The following UNC13B variants were observed in gnomAD, a reference collection of about 807,000 sequenced individuals.
UNC13B encodes protein unc-13 homolog B.
In UNC13B, 144 loss-of-function variants were observed where a neutral mutation model predicts 211.0. That is an observed-to-expected ratio of 0.68 (90% CI 0.60 to 0.78). The LOEUF (loss-of-function observed/expected upper bound fraction) is 0.78, where lower values mean the gene tolerates loss of function less well. Ranked by LOEUF, UNC13B falls within the 30% of genes least tolerant of loss-of-function variation. The pLI is 0.00. For missense variants in UNC13B, 1,777 were observed against 2,002.0 expected (o/e 0.89, Z 2.14); for synonymous variants, 709 against 725.8 (o/e 0.98, Z 0.37).
intron 11 of UNC13B, among the ~76,000 whole-genome samples, chr9:35,324,325 C>T (rs1830894034): frequency 1.3e-5 from 2 of 152,126 alleles, no homozygotes; most frequent in East Asian, 1.9e-4. Flanking sequence ...TTCAACAGAG[C>T]ACAAAGCCAA....
chr9:35,227,998 T>G lies in UNC13B; in HGVS notation c.23-17T>G, dbSNP rs752596968. On this transcript the variant is annotated splice_polypyrimidine_tract_variant and intron_variant, in intron 1 of 39. Coordinates refer to ENST00000635942, the MANE Select transcript of UNC13B (RefSeq NM_001371189.2). ...CTTGGAAACATTCTTCATGGTATCC[T>G]CTTTTTTCTCTTGCAGTTAAAAGGG... The G allele has an allele frequency of 6.2e-7, 1 of 1,610,732 alleles. No individual in the cohort carries two copies. Among genetic ancestry groups the G allele is most frequent in the Admixed American group, 1.7e-5 (1 of 59,484 alleles).
At chr9:35,313,866 T>C in intron 10 of UNC13B, 33 bp from the exon 11 acceptor site, 1 of 1,575,072 alleles carries the variant, frequency 6.3e-7, no homozygotes, top group South Asian at 1.1e-5. Context: ...GCCTTGGCTA[T>C]TTTTAAGAAA....
At chr9:35,318,638 T>C (rs1364762943) in intron 11 of UNC13B, among the ~76,000 whole-genome samples, 1 of 152,224 alleles carries the variant, frequency 6.6e-6, no homozygotes, top group Non-Finnish European at 1.5e-5. Flanking sequence ...CTGCGTAATA[T>C]TCCATTGAAT....
At chr9:35,398,513 A>G in intron 31 of UNC13B, 41 bp from the exon 32 acceptor site, 4 of 1,597,778 alleles carry the variant, frequency 2.5e-6, no homozygotes, top group Non-Finnish European at 3.4e-6. Flanking sequence ...AGAAGAGGGT[A>G]AGAAAAGCAG....
intron 2 of UNC13B, among the ~76,000 whole-genome samples, chr9:35,229,134 G>T (rs189370096): frequency 7.9e-5 from 12 of 152,116 alleles, no homozygotes; most frequent in Admixed American, 7.2e-4. Context: ...ATTAAAAATG[G>T]TATTTCCTTA....
intron 11 of UNC13B, among the ~76,000 whole-genome samples, chr9:35,347,282 G>T (rs1832417537): frequency 6.6e-6 from 1 of 152,148 alleles, no homozygotes; most frequent in African/African-American, 2.4e-5. Flanking sequence ...AAATCTTAAT[G>T]TATTAGAGAG....
intron 1 of UNC13B, among the ~76,000 whole-genome samples, chr9:35,216,361 G>C (rs367707572): frequency 2.6e-5 from 4 of 152,324 alleles, no homozygotes; most frequent in South Asian, 4.1e-4. Context: ...GTAAAGAGAA[G>C]ACGACAGACC....
chr9:35,336,704 G>A (rs944980602), intron 11 of UNC13B, among the ~76,000 whole-genome samples: 1 of 152,044 alleles, frequency 6.6e-6, no homozygotes, highest in Non-Finnish European at 1.5e-5. Context: ...ATTCATTAGG[G>A]CTCTGCCTTC....
chr9:35,239,586 G>A (rs183768582), intron 5 of UNC13B, among the ~76,000 whole-genome samples: 35 of 152,240 alleles, frequency 2.3e-4, no homozygotes, highest in African/African-American at 8.2e-4. Context: ...CAGACAACTG[G>A]TCTGACCAAA....
rs1056763904 is a variant in UNC13B at position 35,375,889 on chromosome 9, A to G, written c.9616-139A>G. The G allele has an allele frequency of 1.2e-5, 9 of 778,528 alleles. No homozygotes were observed. In the African/African-American group the frequency reaches 1.6e-4, roughly 13 times the overall value. The allele number at this position is 778,528 out of a possible 1,614,324, so 48.2% of individuals were successfully genotyped here. On this transcript the variant is annotated intron_variant, in intron 14 of 39. Transcript: ENST00000635942. ...CCAGCTACTTGGGGGCCAAGGCAGG[A>G]GAATTGCTTGAACCTGGGAGGTGGA...
At chr9:35,231,781 T>A (rs932834777) in intron 3 of UNC13B, among the ~76,000 whole-genome samples, 4 of 152,210 alleles carry the variant, frequency 2.6e-5, no homozygotes, top group African/African-American at 9.7e-5. Flanking sequence ...TGACAAAGTT[T>A]AGTATATTAT....
At chr9:35,201,027 TGA>T (rs1253973391) in intron 1 of UNC13B, among the ~76,000 whole-genome samples, 5 of 152,204 alleles carry the variant, frequency 3.3e-5, no homozygotes, top group Admixed American at 3.3e-4. Flanking sequence ...CCTAATTTAT[TGA>T]GAGTTTTTAG....
Position 35,403,603 on chromosome 9 carries a change from A to C in UNC13B, c.12737+4A>C, listed in dbSNP as rs1349379294. 1 of 1,390,434 alleles carries C rather than the reference A, an allele frequency of 7.2e-7. No individual in the cohort carries two copies. The highest frequency in any genetic ancestry group is 9.6e-7 in the Non-Finnish European group (1 of 1,046,292). The allele number at this position is 1,390,434 out of a possible 1,614,324, so 86.1% of individuals were successfully genotyped here. On this transcript the variant is annotated splice_donor_region_variant and intron_variant, in intron 39 of 39. Transcript: ENST00000635942. The stretch of plus-strand genomic sequence containing the variant: ...AGTACAATGAGACATTCCACTTGTA[A>C]GTTACGGGGGGGACATACAGGACTC...
At chr9:35,215,276 G>A (rs370547571) in intron 1 of UNC13B, among the ~76,000 whole-genome samples, 16 of 152,142 alleles carry the variant, frequency 1.1e-4, no homozygotes, top group African/African-American at 3.9e-4. Flanking sequence ...GGTGGCACAC[G>A]CCTGTAATCC....
At chr9:35,259,802 G>T (rs527581558) in intron 7 of UNC13B, among the ~76,000 whole-genome samples, 2 of 145,396 alleles carry the variant, frequency 1.4e-5, no homozygotes, top group Non-Finnish European at 3.0e-5. Flanking sequence ...GATGCGGGGG[G>T]GGGGGATTTT....
intron 6 of UNC13B, among the ~76,000 whole-genome samples, chr9:35,249,583 T>C (rs1206424394): frequency 2.0e-5 from 3 of 152,228 alleles, no homozygotes; most frequent in Admixed American, 6.5e-5. Flanking sequence ...TTTGCTTGTC[T>C]GTAAAGTATT....
chr9:35,352,049 G>A, intron 11 of UNC13B: 1 of 1,232,192 alleles, frequency 8.1e-7, no homozygotes. Flanking sequence ...GGGTTCCGTG[G>A]ATGAAGTCTC....
At chr9:35,328,964 G>C (rs1055060063) in intron 11 of UNC13B, among the ~76,000 whole-genome samples, 12 of 151,754 alleles carry the variant, frequency 7.9e-5, no homozygotes, top group Non-Finnish European at 1.6e-4. Context: ...GTAGAGATGG[G>C]GTTTCACTGT....
Position 35,302,423 on chromosome 9 carries a change from G to C in UNC13B, c.3019G>C (p.Gly1007Arg). The change falls in exon 9 of 40, where the codon GGT becomes CGT. Residue 1007 changes from glycine to arginine, a missense_variant. Coordinates refer to ENST00000635942, the MANE Select transcript of UNC13B (RefSeq NM_001371189.2). ...TGCCAAACTTAGTTCAATAAAATCTGGTTCAGCTCCAAATACTCAGGATAA... is the reference window on the plus strand; with the variant it reads ...TGCCAAACTTAGTTCAATAAAATCTCGTTCAGCTCCAAATACTCAGGATAA... ...EDAKLSSIKS[G>R]SAPNTQDNLG... 2.5e-6 allele frequency: 1 copy of C among 397,022 alleles called. No homozygotes were observed. Among genetic ancestry groups the C allele is most frequent in the Non-Finnish European group, 4.4e-6 (1 of 225,336 alleles). 24.6% of individuals were successfully genotyped at this position (397,022 alleles called of 1,614,324 possible).
Sources: gnomAD v4.1 joint callset for allele counts (sites outside exome capture counted in the v4.1 genomes callset) on GRCh38, gnomAD v4.1.1 for gene constraint, MANE v1.5 for transcripts, NCBI Gene and HGNC (gene_info 2026-07-23, HGNC 2026-07-21) for gene names.